Variants in CPNE7 observed in about 807,000 individuals in gnomAD.
The protein encoded by CPNE7 is copine 7.
In CPNE7, 78 loss-of-function variants were observed where a neutral mutation model predicts 66.5. The observed-to-expected ratio is 1.17, with a 90% confidence interval of 0.98 to 1.42. The LOEUF (loss-of-function observed/expected upper bound fraction) is 1.42. Among genes scored for constraint, CPNE7 ranks in the 40% most tolerant of loss-of-function variants. CPNE7 has a pLI of 0.00. For synonymous variants in CPNE7, 468 were observed against 336.7 expected, an observed-to-expected ratio of 1.39 and a Z score of -4.27; for missense variants, 1,012 against 776.6, an observed-to-expected ratio of 1.30 and a Z score of -3.60.
intron 11 of CPNE7, among the ~76,000 whole-genome samples, chr16:89,590,737 A>T (rs1487407553): frequency 1.7e-5 from 2 of 119,390 alleles, no homozygotes; most frequent in East Asian, 5.8e-4. Context: ...GGTGGGGGAC[A>T]TGGGGGCCAG....
At chr16:89,576,522 C>T (rs1248597626) in intron 1 of CPNE7, among the ~76,000 whole-genome samples, 4 of 152,112 alleles carry the variant, frequency 2.6e-5, no homozygotes, top group Non-Finnish European at 4.4e-5. Context: ...TCCAGGCGTC[C>T]GGGGCTCCCG....
intron 10 of CPNE7, 90 bp downstream of exon 10, chr16:89,588,898 C>T: frequency 1.9e-6 from 3 of 1,539,606 alleles, no homozygotes; most frequent in African/African-American, 1.4e-5. Flanking sequence ...CCCCTGGTCT[C>T]CAGGTCAGCT....
chr16:89,587,207 G>T, intron 9 of CPNE7, 105 bp downstream of exon 9: 1 of 419,506 alleles, frequency 2.4e-6, no homozygotes, highest in East Asian at 4.0e-5. Flanking sequence ...TCAGTCTGTG[G>T]CCCCGCCCAT....
chr16:89,585,768 G>T lies in CPNE7; in HGVS notation c.763G>T (p.Ala255Ser), dbSNP rs1485543829. 2 of 1,499,164 alleles carry T rather than the reference G, an allele frequency of 1.3e-6. No homozygotes were observed. Among genetic ancestry groups the T allele is most frequent in the African/African-American group, 3.0e-5 (2 of 66,514 alleles). 92.9% of individuals were successfully genotyped at this position (1,499,164 alleles called of 1,614,324 possible). Residue 255 changes from alanine to serine, a missense_variant, in exon 7 of 15, where the codon GCC becomes TCC. Physicochemically the swap from Ala to Ser is moderately conservative, Grantham distance 99. Transcript: ENST00000319518. The stretch of plus-strand genomic sequence containing the variant: ...TACCACCTTCGAGGAGATGCAGAAG[G>T]CCTTTGAGGAGGGGCAGGTGAGCAG... Reference protein sequence around the residue: ...FSTTFEEMQKAFEEGQAQWDC... With the variant: ...FSTTFEEMQKSFEEGQAQWDC...
intron 2 of CPNE7, among the ~76,000 whole-genome samples, chr16:89,580,713 C>T (rs531016756): frequency 0.013 from 1,794 of 143,078 alleles, no homozygotes; most frequent in African/African-American, 0.046. Flanking sequence ...CACGGAACAT[C>T]CCGTCACCCG....
In CPNE7 at chr16:89,588,691, C is replaced by A; in HGVS notation, c.944C>A (p.Thr315Asn). 6.2e-7 allele frequency: 1 copy of A among 1,613,346 alleles called. No individual in the cohort carries two copies. Among genetic ancestry groups the A allele is most frequent in the Non-Finnish European group, 8.5e-7 (1 of 1,179,940 alleles). ...QIHFTVAIDF[T>N]ASNGDPRNSC... is the part of the protein sequence containing the mutation. ...CCACTGCAGGTGGCCATTGACTTCACCGCCTCCAATGGAGACCCGCGGAAC... is the reference window on the plus strand; with the variant it reads ...CCACTGCAGGTGGCCATTGACTTCAACGCCTCCAATGGAGACCCGCGGAAC... The change falls in exon 10 of 15, where the codon ACC becomes AAC. Residue 315 changes from threonine (T) to asparagine (N), a missense_variant. Coordinates refer to ENST00000319518, the MANE Select transcript of CPNE7 (RefSeq NM_153636.3).
intron 13 of CPNE7, 49 bp from the exon 14 acceptor site, chr16:89,595,318 G>T: frequency 6.8e-7 from 1 of 1,480,566 alleles, no homozygotes; most frequent in Non-Finnish European, 9.2e-7. Flanking sequence ...CAGGGCGCAT[G>T]TGGGCCATGG....
At chr16:89,590,285 G>A (rs1325111133) in intron 11 of CPNE7, among the ~76,000 whole-genome samples, 1 of 152,230 alleles carries the variant, frequency 6.6e-6, no homozygotes, top group Non-Finnish European at 1.5e-5. Flanking sequence ...AGCACTTTGG[G>A]AGGCCGAGGC....
chr16:89,575,964 A>G lies in CPNE7; in HGVS notation c.67A>G (p.Lys23Glu). The change falls in exon 1 of 15, where the codon AAG (lysine) becomes GAG (glutamate). Residue 23 changes from lysine to glutamate, a missense_variant. Coordinates refer to ENST00000319518, the MANE Select transcript of CPNE7 (RefSeq NM_153636.3). ...PGGLPAPCAS[K>E]VELRLSCRHL... ...GGGTTTGCCCGCGCCCTGCGCCTCG[A>G]AGGTGGAGCTGCGGCTCAGCTGCCG... is the stretch of plus-strand genomic sequence containing the variant. The G allele has an allele frequency of 2.9e-6, 4 of 1,360,810 alleles. No individual in the cohort carries two copies. The highest frequency in any genetic ancestry group is 3.3e-5 in the Admixed American group (1 of 30,616). 84.3% of individuals were successfully genotyped at this position (1,360,810 alleles called of 1,614,324 possible). A position where few individuals can be genotyped will look rare whatever the true frequency, so the allele number is the denominator to read the frequency against.
At chr16:89,581,176 A>G (rs908128888) in intron 2 of CPNE7, among the ~76,000 whole-genome samples, 6 of 151,200 alleles carry the variant, frequency 4.0e-5, no homozygotes, top group African/African-American at 1.5e-4. Flanking sequence ...CACACGGAAC[A>G]TTCCGTCTCC....
rs1452810484 is a variant in CPNE7, at chr16:89,595,608, G to A, written c.1539+5G>A. ...CCCTTCCGGGAGCTCAAGAACGTGA[G>A]TGTCCTGGAGGGGCTCCGTCAAGGC... is the stretch of plus-strand genomic sequence containing the variant. On this transcript the variant is annotated splice_donor_5th_base_variant and intron_variant, in intron 14 of 14. Coordinates refer to ENST00000319518, the MANE Select transcript of CPNE7 (RefSeq NM_153636.3). 2 of 1,595,918 alleles carry A rather than the reference G, an allele frequency of 1.3e-6. No individual in the cohort carries two copies. Among genetic ancestry groups the A allele is most frequent in the Non-Finnish European group, 1.7e-6 (2 of 1,167,294 alleles).
chr16:89,594,433 G>T (rs917462765), intron 13 of CPNE7, among the ~76,000 whole-genome samples: 1 of 152,058 alleles, frequency 6.6e-6, no homozygotes, highest in African/African-American at 2.4e-5. Context: ...GGGTCCTGGG[G>T]CCCCTGTTCG....
chr16:89,596,308 C>T (rs1469661008), intron 14 of CPNE7, among the ~76,000 whole-genome samples, 176 bp from the exon 15 acceptor site: 1 of 152,238 alleles, frequency 6.6e-6, no homozygotes, highest in Non-Finnish European at 1.5e-5. Context: ...CCACGTGCAG[C>T]CTCATGTGGC....
rs934460775 is a variant in CPNE7, at chr16:89,597,119, C to T, written c.*498C>T. The stretch of plus-strand genomic sequence containing the variant: ...TGCTGGTGCCCCCACACCCACCTAC[C>T]CTGTGCTTTTTGCCGTCGGGCCTCT... On this transcript the variant is annotated 3_prime_UTR_variant, in exon 15 of 15. Transcript: ENST00000319518. 6.5e-6 allele frequency: 1 copy of T among 154,182 alleles called. No homozygotes were observed. Among genetic ancestry groups the T allele is most frequent in the Admixed American group, 6.5e-5 (1 of 15,360 alleles). The allele number at this position is 154,182 out of a possible 1,614,324, so 9.6% of individuals were successfully genotyped here. A position where few individuals can be genotyped will look rare whatever the true frequency, so the allele number is the denominator to read the frequency against.
rs775098018 is a variant in CPNE7, at chr16:89,584,727, C to A, written c.508-47C>A. ...CGACAAAGCCAGCTCCCATCCAAAG[C>A]CCGATCTCACAGTGCCTGGCCCAGC... On this transcript the variant is annotated intron_variant, in intron 4 of 14. Coordinates refer to ENST00000319518, the MANE Select transcript of CPNE7 (RefSeq NM_153636.3). This position sits in a 1 kb window ranked among gnomAD's most constrained non-coding sequence, Gnocchi z 6.0. The A allele has an allele frequency of 3.5e-6, 5 of 1,446,474 alleles. No homozygotes were observed. The highest frequency in any genetic ancestry group is 4.8e-6 in the Non-Finnish European group (5 of 1,034,362). 89.6% of individuals were successfully genotyped at this position (1,446,474 alleles called of 1,614,324 possible). A position where few individuals can be genotyped will look rare whatever the true frequency, so the allele number is the denominator to read the frequency against.
chr16:89,580,955 CGCTG>C (rs2058946707), intron 2 of CPNE7, among the ~76,000 whole-genome samples: 2 of 146,516 alleles, frequency 1.4e-5, no homozygotes, highest in African/African-American at 2.5e-5. Flanking sequence ...TCCCGTCACC[CGCTG>C]ACATGGAACA....
chr16:89,583,874 C>T, intron 3 of CPNE7, 103 bp downstream of exon 3: 1 of 1,466,424 alleles, frequency 6.8e-7, no homozygotes, highest in South Asian at 1.2e-5. Flanking sequence ...CAGGGAGGGT[C>T]TGCAGGAGCC....
chr16:89,587,563 G>C (rs934187618), intron 9 of CPNE7: 3 of 443,194 alleles, frequency 6.8e-6, no homozygotes, highest in Non-Finnish European at 1.4e-5. Context: ...CAGACAAAAC[G>C]TGAACGAGGA....
In CPNE7 at chr16:89,588,665, C is replaced by T; in HGVS notation, c.928-10C>T. On this transcript the variant is annotated splice_polypyrimidine_tract_variant and intron_variant, in intron 9 of 14. Transcript: ENST00000319518. ...GCCCAGCACAGCTCCTGGCTCCCGG[C>T]CCACTGCAGGTGGCCATTGACTTCA... The T allele has an allele frequency of 6.2e-7, 1 of 1,612,868 alleles. No individual in the cohort carries two copies. The highest frequency in any genetic ancestry group is 2.2e-5 in the East Asian group (1 of 44,876).
Sources: gnomAD v4.1 joint callset for allele counts (sites outside exome capture counted in the v4.1 genomes callset) on GRCh38, gnomAD v4.1.1 for gene constraint, Gnocchi (gnomAD v3.1) non-coding constraint, MANE v1.5 for transcripts, NCBI Gene and HGNC (gene_info 2026-07-23, HGNC 2026-07-21) for gene names.